CDH8: variants seen among roughly 807,000 people sequenced by gnomAD.
CDH8 encodes cadherin-8.
CDH8 carries 17 observed loss-of-function variants against 68.1 expected under a neutral mutation model. The ratio of observed to expected loss-of-function variants is 0.25; its 90% CI spans 0.17 to 0.37. CDH8 has a LOEUF of 0.37. Among genes scored for constraint, CDH8 ranks in the 10% least tolerant of loss-of-function variants. The pLI, the probability that CDH8 is intolerant of heterozygous loss-of-function variation, is 1.00. For missense variants in CDH8, 763 were observed against 999.3 expected, an observed-to-expected ratio of 0.76 and a Z score of 3.19; for synonymous variants, 372 against 365.1, an observed-to-expected ratio of 1.02 and a Z score of -0.21.
intron 7 of CDH8, among the ~76,000 whole-genome samples, chr16:61,807,298 A>C (rs1239159319): frequency 1.5e-5 from 2 of 130,320 alleles, no homozygotes; most frequent in Admixed American, 8.9e-5. Flanking sequence ...CAGGAAGGGG[A>C]ATATCACACT....
intron 7 of CDH8, among the ~76,000 whole-genome samples, chr16:61,790,450 T>C (rs1961352345): frequency 6.6e-6 from 1 of 151,918 alleles, no homozygotes; most frequent in African/African-American, 2.4e-5. Flanking sequence ...TAAAACAGGA[T>C]AGGATGGATG....
intron 10 of CDH8, among the ~76,000 whole-genome samples, chr16:61,672,467 A>G (rs914311749): frequency 2.6e-5 from 4 of 152,068 alleles, no homozygotes; most frequent in African/African-American, 9.7e-5. Flanking sequence ...CTGTGTTCAC[A>G]TTACTAATTA....
chr16:61,679,389 A>T (rs1245157397), intron 10 of CDH8, among the ~76,000 whole-genome samples: 1 of 152,038 alleles, frequency 6.6e-6, no homozygotes, highest in Non-Finnish European at 1.5e-5. Context: ...TATGTTATTA[A>T]GTTGTTATCA....
intron 2 of CDH8, among the ~76,000 whole-genome samples, chr16:61,928,696 T>C (rs1964492789): frequency 6.6e-6 from 1 of 152,206 alleles, no homozygotes; most frequent in Admixed American, 6.5e-5. Flanking sequence ...ACTATGAAAA[T>C]GGGTGATATA....
At chr16:61,716,508 T>C (rs1248935053) in intron 9 of CDH8, among the ~76,000 whole-genome samples, 1 of 151,764 alleles carries the variant, frequency 6.6e-6, no homozygotes, top group Admixed American at 6.6e-5. Flanking sequence ...AACTCAGCAA[T>C]CTGTATTTCA....
chr16:61,931,204 C>T (rs11865904), intron 2 of CDH8, among the ~76,000 whole-genome samples: 46,200 of 151,978 alleles, frequency 0.3, 7,306 homozygotes, highest in Middle Eastern at 0.37. Context: ...TTCACTTTGT[C>T]GCCCAGGCCA....
intron 2 of CDH8, among the ~76,000 whole-genome samples, chr16:61,942,783 C>T (rs1203926060): frequency 2.6e-5 from 4 of 152,040 alleles, no homozygotes; most frequent in African/African-American, 9.7e-5. Context: ...TGAAAAACAC[C>T]AGTTCCAGCT....
At chr16:61,718,838 A>G (rs999508965) in intron 9 of CDH8, among the ~76,000 whole-genome samples, 2 of 151,302 alleles carry the variant, frequency 1.3e-5, no homozygotes, top group Non-Finnish European at 3.0e-5. Flanking sequence ...AAAACAAAAT[A>G]CATTAAAAGC....
chr16:61,662,981 A>G (rs1301433566), intron 10 of CDH8, among the ~76,000 whole-genome samples: 2 of 152,022 alleles, frequency 1.3e-5, no homozygotes, highest in African/African-American at 4.8e-5. Context: ...AATTTTCAGG[A>G]GCTTGCTTTA....
chr16:61,971,556 T>A (rs977400829), intron 2 of CDH8, among the ~76,000 whole-genome samples: 1 of 152,228 alleles, frequency 6.6e-6, no homozygotes. Context: ...TGCAGGAACC[T>A]CCATGTGTTC....
At chr16:61,803,963 C>T (rs572007109) in intron 7 of CDH8, among the ~76,000 whole-genome samples, 2,142 of 127,124 alleles carry the variant, frequency 0.017, 56 homozygotes, top group African/African-American at 0.068. Flanking sequence ...CTGCACCAAG[C>T]GGACCTAATA....
At chr16:61,972,571 G>GGTGT (rs1555525996) in intron 2 of CDH8, among the ~76,000 whole-genome samples, 2,919 of 131,430 alleles carry the variant, frequency 0.022, 53 homozygotes, top group Admixed American at 0.058. Flanking sequence ...ACACATTGTG[G>GGTGT]GTGTGTGTGT....
chr16:61,768,352 C>G (rs911749157), intron 8 of CDH8, among the ~76,000 whole-genome samples: 1 of 113,744 alleles, frequency 8.8e-6, no homozygotes, highest in Non-Finnish European at 1.9e-5. Flanking sequence ...CTCTCTCTCT[C>G]TCTCTCTCTC....
intron 7 of CDH8, among the ~76,000 whole-genome samples, chr16:61,802,141 C>A (rs1284692799): frequency 7.7e-6 from 1 of 130,254 alleles, no homozygotes; most frequent in Non-Finnish European, 1.6e-5. Context: ...ACTGCCTCCT[C>A]AAGTGGGTCC....
chr16:61,855,175 A>C (rs1963019384), intron 4 of CDH8, among the ~76,000 whole-genome samples: 1 of 152,144 alleles, frequency 6.6e-6, no homozygotes, highest in Admixed American at 6.6e-5. Flanking sequence ...AAATCAGACA[A>C]TTTGATATCT....
At chr16:61,739,159 T>A (rs1596918352) in intron 8 of CDH8, among the ~76,000 whole-genome samples, 1 of 152,296 alleles carries the variant, frequency 6.6e-6, no homozygotes, top group African/African-American at 2.4e-5. Flanking sequence ...TTGTTTCAAA[T>A]AGGATTGACT....
chr16:61,701,634 C>G (rs1321610619), intron 10 of CDH8, among the ~76,000 whole-genome samples: 2 of 152,060 alleles, frequency 1.3e-5, no homozygotes, highest in Admixed American at 1.3e-4. Context: ...ATACCTTTGT[C>G]CAATTTATTT....
At chr16:62,006,041 T>A (rs1965969093) in intron 2 of CDH8, among the ~76,000 whole-genome samples, 1 of 152,132 alleles carries the variant, frequency 6.6e-6, no homozygotes, top group African/African-American at 2.4e-5. Context: ...ACCATATGGG[T>A]GGGAACACCA....
At chr16:61,905,436 T>C (rs1327174897) in intron 2 of CDH8, among the ~76,000 whole-genome samples, 3 of 151,910 alleles carry the variant, frequency 2.0e-5, no homozygotes, top group African/African-American at 7.2e-5. Context: ...TGTTAATATA[T>C]GTAATTAATA....
Sources: allele counts gnomAD v4.1 joint callset (sites outside exome capture counted in the v4.1 genomes callset), GRCh38; gene constraint gnomAD v4.1.1; transcripts MANE v1.5; gene names NCBI Gene and HGNC (gene_info 2026-07-23, HGNC 2026-07-21).